The following DHRS7 variants were observed in gnomAD, a reference collection of about 807,000 sequenced individuals.
The protein encoded by DHRS7 is dehydrogenase/reductase 7.
In DHRS7, 34 loss-of-function variants were observed where a neutral mutation model predicts 38.9. That is an observed-to-expected ratio of 0.87 (90% CI 0.66 to 1.16). DHRS7 has a LOEUF of 1.16. Among genes scored for constraint, DHRS7 ranks in the 50% most tolerant of loss-of-function variants. The pLI is 0.00. For missense variants in DHRS7, 421 were observed against 407.0 expected, an observed-to-expected ratio of 1.03 and a Z score of -0.30; for synonymous variants, 158 against 153.1, an observed-to-expected ratio of 1.03 and a Z score of -0.24.
At chr14:60,152,421 G>C (rs1365579954) in intron 4 of DHRS7, among the ~76,000 whole-genome samples, 1 of 152,140 alleles carries the variant, frequency 6.6e-6, no homozygotes, top group Non-Finnish European at 1.5e-5. Context: ...TATGAGACCA[G>C]GACTAATCAT....
chr14:60,160,828 C>A (rs1479237016), intron 1 of DHRS7, among the ~76,000 whole-genome samples: 1 of 152,128 alleles, frequency 6.6e-6, no homozygotes, highest in African/African-American at 2.4e-5. Flanking sequence ...TGAGCTCTAG[C>A]GATTTGCCCA....
At chr14:60,158,315 A>G (rs962802802) in intron 1 of DHRS7, among the ~76,000 whole-genome samples, 2 of 151,954 alleles carry the variant, frequency 1.3e-5, no homozygotes, top group South Asian at 2.1e-4. Context: ...CTTTCCTGTC[A>G]TATAACGTAC....
In DHRS7 at chr14:60,161,499, T is replaced by G. The variant is rs1055083874; in HGVS notation, c.133+3678A>C. Among the ~76,000 whole-genome samples, 15 of 152,202 alleles carry G rather than the reference T, an allele frequency of 9.9e-5. No homozygotes were observed. The highest frequency in any genetic ancestry group is 2.2e-4 in the Non-Finnish European group (15 of 68,024). On this transcript the variant is annotated intron_variant, in intron 1 of 6. Transcript: ENST00000557185. This position sits in a 1 kb window ranked among gnomAD's most constrained non-coding sequence, Gnocchi z 4.2. ...CAGCTGTTAGGGAAGACAGCCATTATGTCTTCCCTAAGTCCTTTCATCTCT... is the reference window on the plus strand; with the variant it reads ...CAGCTGTTAGGGAAGACAGCCATTAGGTCTTCCCTAAGTCCTTTCATCTCT...
intron 4 of DHRS7, among the ~76,000 whole-genome samples, chr14:60,151,226 A>G (rs1212496430): frequency 6.6e-6 from 1 of 152,222 alleles, no homozygotes; most frequent in East Asian, 1.9e-4. Flanking sequence ...ATGATTGCCT[A>G]CTGAATGACT....
At chr14:60,156,987 A>G (rs1896673109) in intron 1 of DHRS7, among the ~76,000 whole-genome samples, 2 of 152,226 alleles carry the variant, frequency 1.3e-5, no homozygotes, top group East Asian at 3.8e-4. Flanking sequence ...GTCTCTCTGA[A>G]CCCGTAAAGT....
chr14:60,149,494 C>A lies in DHRS7; in HGVS notation c.831G>T (p.Met277Ile), dbSNP rs1339904347. Residue 277 changes from methionine (M) to isoleucine (I), a missense_variant, in exon 6 of 7, where the codon ATG (methionine) becomes ATT (isoleucine). Transcript: ENST00000557185. ...TCCAAACTTCTTTCAAATCATTGGCCATGCTGATTAACATCAGCCGCACAC... is the reference window on the plus strand; with the variant it reads ...TCCAAACTTCTTTCAAATCATTGGCAATGCTGATTAACATCAGCCGCACAC... ...SRCVRLMLIS[M>I]ANDLKEVWIS... 1 of 1,614,144 alleles carries A rather than the reference C, an allele frequency of 6.2e-7. No homozygotes were observed.
At chr14:60,152,880 A>T (rs1489597755) in intron 4 of DHRS7, 59 bp downstream of exon 4, 1 of 1,592,680 alleles carries the variant, frequency 6.3e-7, no homozygotes, top group African/African-American at 1.3e-5. Flanking sequence ...AGTGATGGCC[A>T]TATCCCCCAT....
At chr14:60,149,004 G>A (rs370105) in intron 6 of DHRS7, 53,250 of 210,514 alleles carry the variant, frequency 0.25, 9,180 homozygotes, top group African/African-American at 0.52. Context: ...ATAGAGTCTC[G>A]CTCTATCACC....
intron 1 of DHRS7, chr14:60,159,421 T>C (rs910847531): frequency 1.3e-5 from 3 of 225,232 alleles, no homozygotes; most frequent in Admixed American, 6.3e-5. Context: ...TTGTTTGTGG[T>C]TTCATTGAAT....
At position 60,161,456 on chromosome 14, in the gene DHRS7, C is replaced by T. The variant is rs1376367574; in HGVS notation, c.133+3721G>A. On this transcript the variant is annotated intron_variant, in intron 1 of 6. Transcript: ENST00000557185. This position sits in a 1 kb window ranked among gnomAD's most constrained non-coding sequence, Gnocchi z 4.2. ...AAAGAAAAGAAATGAAACCTGTCTT[C>T]TAAATGACAATCCCTCACAGCTGTT... Among the ~76,000 whole-genome samples the T allele has an allele frequency of 6.6e-6, 1 of 152,154 alleles. No homozygotes were observed. The highest frequency in any genetic ancestry group is 2.4e-5 in the African/African-American group (1 of 41,436).
chr14:60,158,232 GAAAAAAAA>G (rs34207942), intron 1 of DHRS7, among the ~76,000 whole-genome samples: 2 of 83,198 alleles, frequency 2.4e-5, no homozygotes, highest in East Asian at 4.0e-4. Context: ...GACTCTGTCG[GAAAAAAAA>G]AAAAAAAAAA....
At chr14:60,149,795 A>T (rs1331288374) in intron 5 of DHRS7, among the ~76,000 whole-genome samples, 1 of 152,048 alleles carries the variant, frequency 6.6e-6, no homozygotes, top group Non-Finnish European at 1.5e-5. Flanking sequence ...TAACTAAAAG[A>T]TGAAGATTCT....
At position 60,150,168 on chromosome 14, in the gene DHRS7, C is replaced by T. The variant is rs34583017; in HGVS notation, c.653G>A (p.Arg218Gln). Residue 218 changes from arginine (R) to glutamine (Q), a missense_variant, in exon 5 of 7, where the codon CGA (arginine) becomes CAA (glutamine). Coordinates refer to ENST00000557185, the MANE Select transcript of DHRS7 (RefSeq NM_016029.4). ...HALRGFFNGL[R>Q]TELATYPGII... is the part of the protein sequence containing the mutation. The stretch of plus-strand genomic sequence containing the variant: ...ACCTGGGTATGTGGCAAGTTCTGTT[C>T]GAAGGCCATTAAAAAAACCCTAACA... 16,408 of 1,472,604 alleles carry T rather than the reference C, an allele frequency of 0.011. 156 individuals are homozygous for T. Among genetic ancestry groups the T allele is most frequent in the South Asian group, 0.039 (2,615 of 66,748 alleles). The allele number at this position is 1,472,604 out of a possible 1,614,324, so 91.2% of individuals were successfully genotyped here.
In DHRS7 at chr14:60,153,511, A is replaced by G. The variant is rs1250877467; in HGVS notation, c.394-333T>C. ...GGAGTTCAAGACCAGCCTGACCAAC[A>G]TGGTGAAACCCCATCTCTACTAAAA... On this transcript the variant is annotated intron_variant, in intron 3 of 6. Coordinates refer to ENST00000557185, the MANE Select transcript of DHRS7 (RefSeq NM_016029.4). This position sits in a 1 kb window ranked among gnomAD's most constrained non-coding sequence, Gnocchi z 4.4. Among the ~76,000 whole-genome samples, 2 of 152,152 alleles carry G rather than the reference A, an allele frequency of 1.3e-5. No homozygotes were observed. Among genetic ancestry groups the G allele is most frequent in the African/African-American group, 4.8e-5 (2 of 41,430 alleles).
intron 4 of DHRS7, 34 bp from the exon 5 acceptor site, chr14:60,150,221 CAAAT>C (rs1896514668): frequency 1.4e-6 from 2 of 1,415,586 alleles, no homozygotes; most frequent in Non-Finnish European, 1.9e-6. Flanking sequence ...AGGAAAAAGG[CAAAT>C]AAATACAGAC....
intron 1 of DHRS7, chr14:60,159,281 A>G (rs1254034): frequency 0.15 from 62,355 of 428,662 alleles, 6,375 homozygotes; most frequent in African/African-American, 0.3. Flanking sequence ...ATTTCATGTC[A>G]GCTTCTAGTG....
chr14:60,161,591 G>A lies in DHRS7; in HGVS notation c.133+3586C>T, dbSNP rs920843203. Among the ~76,000 whole-genome samples the A allele has an allele frequency of 1.3e-5, 2 of 152,120 alleles. No homozygotes were observed. The highest frequency in any genetic ancestry group is 2.9e-5 in the Non-Finnish European group (2 of 68,034). On this transcript the variant is annotated intron_variant, in intron 1 of 6. Transcript: ENST00000557185. The surrounding 1 kb of genome is among the most constrained non-coding windows in gnomAD (Gnocchi z 4.2). ...CCTTCCCTCACATGACATGGTATCA[G>A]GTTTCCTCACTCTTCTGCTCACACC...
chr14:60,157,985 C>CACTT (rs1896690749), intron 1 of DHRS7, among the ~76,000 whole-genome samples: 1 of 152,098 alleles, frequency 6.6e-6, no homozygotes, highest in Admixed American at 6.6e-5. Context: ...GTAATCCCAG[C>CACTT]ACTTTGGGAG....
chr14:60,149,234 G>A, intron 6 of DHRS7, 119 bp downstream of exon 6: 1 of 918,194 alleles, frequency 1.1e-6, no homozygotes, highest in Non-Finnish European at 1.7e-6. Context: ...CTCCCAAAGT[G>A]CTGGGATTAC....
Sources: gnomAD v4.1 joint callset for allele counts (sites outside exome capture counted in the v4.1 genomes callset) on GRCh38, gnomAD v4.1.1 for gene constraint, Gnocchi (gnomAD v3.1) non-coding constraint, MANE v1.5 for transcripts, NCBI Gene and HGNC (gene_info 2026-07-23, HGNC 2026-07-21) for gene names.